Variants in HSD17B12 observed in about 807,000 individuals in gnomAD.
HSD17B12 encodes hydroxysteroid 17-beta dehydrogenase 12.
Under a neutral mutation model 39.3 loss-of-function variants are expected in HSD17B12, and 32 were observed. The observed-to-expected ratio is 0.81, with a 90% CI of 0.61 to 1.09. The LOEUF (loss-of-function observed/expected upper bound fraction) is 1.09. HSD17B12 is among the 50% of genes least tolerant of loss of function. HSD17B12 has a pLI of 0.00. For synonymous variants in HSD17B12, 150 were observed against 146.7 expected (o/e 1.02, Z -0.16); for missense variants, 342 against 382.9 (o/e 0.89, Z 0.89).
chr11:43,840,915 G>A (rs1217889962), intron 9 of HSD17B12, among the ~76,000 whole-genome samples: 2 of 152,140 alleles, frequency 1.3e-5, no homozygotes, highest in Non-Finnish European at 2.9e-5. Context: ...GGGTCATATG[G>A]TAATTCTGTT....
At chr11:43,624,971 G>T in the HSD17B12 span, among the ~76,000 whole-genome samples, 1 of 151,680 alleles carries the variant, frequency 6.6e-6, no homozygotes, top group Non-Finnish European at 1.5e-5. Context: ...TATCTCATTT[G>T]TTCTTCAAAT....
chr11:43,636,538 TA>T, the HSD17B12 span, among the ~76,000 whole-genome samples: 1 of 151,532 alleles, frequency 6.6e-6, no homozygotes, highest in Non-Finnish European at 1.5e-5. Flanking sequence ...TGGTCTTCTT[TA>T]AAAAAACCAA....
chr11:43,734,506 G>A (rs1950298803), intron 1 of HSD17B12: 2 of 611,378 alleles, frequency 3.3e-6, no homozygotes, highest in Admixed American at 2.5e-5. Flanking sequence ...ACCAGCTCTC[G>A]CTCTCGGAAT....
At chr11:43,589,151 A>G in the HSD17B12 span, among the ~76,000 whole-genome samples, 394 of 152,332 alleles carry the variant, frequency 2.6e-3, 3 homozygotes, top group Non-Finnish European at 4.1e-3. Flanking sequence ...ACTATTTGCT[A>G]TCGTAAATAA....
At chr11:43,696,515 G>A (rs776849540) in intron 1 of HSD17B12, among the ~76,000 whole-genome samples, 5 of 152,142 alleles carry the variant, frequency 3.3e-5, no homozygotes, top group Admixed American at 6.6e-5. Flanking sequence ...GTCAAGAAAC[G>A]ATAGATGCTG....
At chr11:43,844,012 T>C (rs1951452040) in intron 9 of HSD17B12, among the ~76,000 whole-genome samples, 1 of 152,240 alleles carries the variant, frequency 6.6e-6, no homozygotes, top group Non-Finnish European at 1.5e-5. Flanking sequence ...GGCATCTGTT[T>C]TGATGGCTTT....
At chr11:43,666,256 T>C in the HSD17B12 span, among the ~76,000 whole-genome samples, 1 of 152,116 alleles carries the variant, frequency 6.6e-6, no homozygotes, top group Non-Finnish European at 1.5e-5. Flanking sequence ...CAGGCTGGAG[T>C]GCAGTGGTGC....
chr11:43,751,132 C>T (rs1396510463), intron 2 of HSD17B12, among the ~76,000 whole-genome samples, 175 bp downstream of exon 2: 1 of 152,104 alleles, frequency 6.6e-6, no homozygotes, highest in Non-Finnish European at 1.5e-5. Flanking sequence ...TAAACAGACA[C>T]AATTTTTTGA....
chr11:43,831,917 A>G lies in HSD17B12; in HGVS notation c.536+907A>G, dbSNP rs963792510. 5.3e-5 allele frequency among the ~76,000 whole-genome samples: 8 copies of G among 152,178 alleles called. No individual in the cohort carries two copies. The highest frequency in any genetic ancestry group is 1.4e-4 in the African/African-American group (6 of 41,444). ...TATAGTAAGTGCCAGGAACTTAGTA[A>G]GTGTTAACTCATTTAACTTTGATAG... On this transcript the variant is annotated intron_variant, in intron 7 of 10. Coordinates refer to ENST00000278353, the MANE Select transcript of HSD17B12 (RefSeq NM_016142.3). This position sits in a 1 kb window ranked among gnomAD's most constrained non-coding sequence, Gnocchi z 4.1.
At chr11:43,674,774 A>C in the HSD17B12 span, among the ~76,000 whole-genome samples, 1 of 152,162 alleles carries the variant, frequency 6.6e-6, no homozygotes, top group Non-Finnish European at 1.5e-5. Flanking sequence ...TCCGGTGTTG[A>C]TTGCTTTCTC....
the HSD17B12 span, among the ~76,000 whole-genome samples, chr11:43,611,361 C>T: frequency 6.6e-6 from 1 of 152,072 alleles, no homozygotes; most frequent in Admixed American, 6.5e-5. Flanking sequence ...TAAATTTTAC[C>T]CATCCTTCTA....
At chr11:43,696,716 T>C (rs1949914892) in intron 1 of HSD17B12, among the ~76,000 whole-genome samples, 1 of 152,200 alleles carries the variant, frequency 6.6e-6, no homozygotes, top group Non-Finnish European at 1.5e-5. Context: ...TGGACACATA[T>C]GTTGAATGCA....
intron 3 of HSD17B12, among the ~76,000 whole-genome samples, chr11:43,785,356 C>A (rs545928108): frequency 1.3e-5 from 2 of 152,078 alleles, no homozygotes; most frequent in Non-Finnish European, 2.9e-5. Flanking sequence ...TTGAATACAG[C>A]GACAGAACAA....
At chr11:43,655,574 C>T in the HSD17B12 span, among the ~76,000 whole-genome samples, 3 of 152,176 alleles carry the variant, frequency 2.0e-5, no homozygotes, top group East Asian at 3.9e-4. Context: ...TTTTGAGATA[C>T]GTCCCATCAA....
intron 1 of HSD17B12, among the ~76,000 whole-genome samples, chr11:43,749,113 C>T (rs1174795184): frequency 6.6e-6 from 1 of 152,078 alleles, no homozygotes; most frequent in Non-Finnish European, 1.5e-5. Flanking sequence ...AAAATCAAAC[C>T]TGAATTTGAT....
At chr11:43,590,107 G>A in the HSD17B12 span, among the ~76,000 whole-genome samples, 1 of 152,046 alleles carries the variant, frequency 6.6e-6, no homozygotes, top group African/African-American at 2.4e-5. Context: ...CCTTGAATAA[G>A]GAAGGAGAAA....
chr11:43,636,538 T>TA, the HSD17B12 span, among the ~76,000 whole-genome samples: 5 of 151,532 alleles, frequency 3.3e-5, no homozygotes, highest in African/African-American at 9.7e-5. Flanking sequence ...TGGTCTTCTT[T>TA]AAAAAAACCA....
At chr11:43,826,250 T>C (rs1337754930) in intron 6 of HSD17B12, among the ~76,000 whole-genome samples, 1 of 151,764 alleles carries the variant, frequency 6.6e-6, no homozygotes, top group Non-Finnish European at 1.5e-5. Context: ...GCCCGGCTAA[T>C]TTTTTTGTAT....
chr11:43,838,650 T>TC (rs3839954), intron 8 of HSD17B12, among the ~76,000 whole-genome samples: 95,311 of 151,756 alleles, frequency 0.63, 30,504 homozygotes, highest in East Asian at 0.71. Context: ...GCTGTTTTTC[T>TC]CCCCCCAGCA....
Sources: allele counts gnomAD v4.1 joint callset (sites outside exome capture counted in the v4.1 genomes callset), GRCh38; gene constraint gnomAD v4.1.1; non-coding constraint Gnocchi (gnomAD v3.1); transcripts MANE v1.5; gene names NCBI Gene and HGNC (gene_info 2026-07-23, HGNC 2026-07-21).